Variants in PTPRN2 observed in about 807,000 individuals in gnomAD.
PTPRN2 encodes the protein protein tyrosine phosphatase receptor type N2.
Under a neutral mutation model 118.8 loss-of-function variants are expected in PTPRN2, and 74 were observed. The ratio of observed to expected loss-of-function variants is 0.62; its 90% CI spans 0.52 to 0.76. PTPRN2 has a LOEUF of 0.76. PTPRN2 is among the 30% of genes least tolerant of loss of function. The pLI is 0.00. For synonymous variants in PTPRN2, 641 were observed against 608.0 expected (o/e 1.05, Z -0.80); for missense variants, 1,481 against 1,394.4 (o/e 1.06, Z -0.99).
intron 3 of PTPRN2, among the ~76,000 whole-genome samples, chr7:158,268,790 CAG>C (rs1381098630): frequency 7.7e-6 from 1 of 129,686 alleles, no homozygotes; most frequent in East Asian, 2.2e-4. Flanking sequence ...CGCACACACA[CAG>C]GGCGGGTGTG....
At chr7:158,471,477 C>A (rs183400853) in intron 2 of PTPRN2, among the ~76,000 whole-genome samples, 2 of 152,196 alleles carry the variant, frequency 1.3e-5, no homozygotes, top group Admixed American at 6.5e-5. Flanking sequence ...ATCACAAGGT[C>A]AGGAGATCGA....
At chr7:157,580,764 CCCA>C (rs1800323444) in intron 17 of PTPRN2, among the ~76,000 whole-genome samples, 1 of 129,874 alleles carries the variant, frequency 7.7e-6, no homozygotes, top group African/African-American at 3.0e-5. Flanking sequence ...ACCTGCACAC[CCCA>C]GCACCTGCAC....
chr7:157,563,593 C>T (rs926053841), intron 21 of PTPRN2, among the ~76,000 whole-genome samples: 4 of 148,234 alleles, frequency 2.7e-5, no homozygotes, highest in African/African-American at 1.0e-4. Context: ...TCCCGCATCA[C>T]CACACCACAT....
At chr7:157,712,692 G>A (rs1030070847) in intron 12 of PTPRN2, among the ~76,000 whole-genome samples, 8 of 148,636 alleles carry the variant, frequency 5.4e-5, no homozygotes, top group South Asian at 2.1e-4. Flanking sequence ...TGGAGGTTGC[G>A]GCTACCCAAG....
chr7:157,784,328 G>C lies in PTPRN2; in HGVS notation c.1789-101391C>G, dbSNP rs768040959. ...CAGCATCTGCACAGTGACGGATTAG[G>C]GGGGCGGTTCAGCAGCCCCTCGAAC... On this transcript the variant is annotated intron_variant, in intron 12 of 22. Coordinates refer to ENST00000389418, the MANE Select transcript of PTPRN2 (RefSeq NM_002847.5). The surrounding 1 kb of genome is among the most constrained non-coding windows in gnomAD (Gnocchi z 4.6). 6.6e-6 allele frequency among the ~76,000 whole-genome samples: 1 copy of C among 152,134 alleles called. No homozygotes were observed. Among genetic ancestry groups the C allele is most frequent in the Non-Finnish European group, 1.5e-5 (1 of 68,028 alleles).
At position 158,489,732 on chromosome 7, in the gene PTPRN2, C is replaced by G; in HGVS notation, c.163+3G>C. The G allele has an allele frequency of 6.3e-7, 1 of 1,579,194 alleles. No homozygotes were observed. Among genetic ancestry groups the G allele is most frequent in the Non-Finnish European group, 8.6e-7 (1 of 1,163,972 alleles). On this transcript the variant is annotated splice_donor_region_variant and intron_variant, in intron 2 of 22. Transcript: ENST00000389418. The stretch of plus-strand genomic sequence containing the variant: ...GGCGCAGCAGCCAGGACCCCACACT[C>G]ACCGTTCACACAGGCCTCGGACGCT...
Position 157,650,752 on chromosome 7 carries a change from G to A in PTPRN2, c.2196+5605C>T, listed in dbSNP as rs116744879. Among the ~76,000 whole-genome samples the A allele has an allele frequency of 1.0e-3, 157 of 152,352 alleles. 3 individuals are homozygous for A. Among genetic ancestry groups the A allele is most frequent in the African/African-American group, 3.5e-3 (147 of 41,596 alleles). ...CTGCCAAGGCCCCGGCACTGGTGGC[G>A]TGGGGTGCAGGGGACCCCAGCCCCT... On this transcript the variant is annotated intron_variant, in intron 14 of 22. Coordinates refer to ENST00000389418, the MANE Select transcript of PTPRN2 (RefSeq NM_002847.5).
At chr7:158,190,471 T>C in intron 5 of PTPRN2, among the ~76,000 whole-genome samples, 1 of 152,212 alleles carries the variant, frequency 6.6e-6, no homozygotes, top group East Asian at 1.9e-4. Context: ...CCTGGAAGGC[T>C]TTGGGGCATG....
intron 11 of PTPRN2, among the ~76,000 whole-genome samples, chr7:158,049,915 G>T (rs1809198025): frequency 6.6e-6 from 1 of 151,310 alleles, no homozygotes; most frequent in African/African-American, 2.4e-5. Context: ...AAAAAAAAAT[G>T]CAACCTGATA....
At chr7:158,484,732 G>A (rs938437189) in intron 2 of PTPRN2, among the ~76,000 whole-genome samples, 1 of 152,158 alleles carries the variant, frequency 6.6e-6, no homozygotes. Flanking sequence ...CTCTGAGCAC[G>A]GCGATTCCCA....
rs147323354 is a variant in PTPRN2 at position 157,897,201 on chromosome 7, G to C, written c.1788+1472C>G. Among the ~76,000 whole-genome samples, 171 of 152,242 alleles carry C rather than the reference G, an allele frequency of 1.1e-3. 1 individual carries two copies. The highest frequency in any genetic ancestry group is 3.9e-3 in the African/African-American group (161 of 41,554). ...CCACGTGATGAGCTCGGAAGGGAGA[G>C]GAAAGACAGGAGGACACCACAGCTC... On this transcript the variant is annotated intron_variant, in intron 12 of 22. Transcript: ENST00000389418.
At chr7:157,894,341 A>C (rs1796983484) in intron 12 of PTPRN2, among the ~76,000 whole-genome samples, 2 of 151,500 alleles carry the variant, frequency 1.3e-5, no homozygotes, top group South Asian at 4.2e-4. Context: ...AGTGTGTGGA[A>C]GCTGAGAGCT....
At chr7:157,792,924 G>T (rs546507575) in intron 12 of PTPRN2, among the ~76,000 whole-genome samples, 2 of 152,310 alleles carry the variant, frequency 1.3e-5, no homozygotes, top group Admixed American at 6.5e-5. Flanking sequence ...CAGGGCCGCG[G>T]GTGCCGAGTT....
intron 2 of PTPRN2, among the ~76,000 whole-genome samples, chr7:158,355,975 C>T (rs945600211): frequency 6.6e-6 from 1 of 152,118 alleles, no homozygotes; most frequent in Non-Finnish European, 1.5e-5. Context: ...GCCTAGCAGC[C>T]GTCATGGGCC....
intron 12 of PTPRN2, among the ~76,000 whole-genome samples, chr7:157,686,866 C>G (rs996185255): frequency 6.6e-6 from 1 of 151,932 alleles, no homozygotes; most frequent in East Asian, 1.9e-4. Flanking sequence ...GTGCTGAGTT[C>G]TCAGAGGCAG....
chr7:157,576,672 G>A lies in PTPRN2; in HGVS notation c.2724C>T (p.Phe908=), dbSNP rs2150524951. 6.2e-7 allele frequency: 1 copy of A among 1,612,756 alleles called. No homozygotes were observed. Among genetic ancestry groups the A allele is most frequent in the Non-Finnish European group, 8.5e-7 (1 of 1,179,412 alleles). ...GGACTCCTCGGTCATACCAACTCAG[G>A]AAGTGGAACTGCGTCACGGTGCGCG... is the stretch of plus-strand genomic sequence containing the variant. ...NETRTVTQFH[F]LSWYDRGVPS... The change falls in exon 19 of 23, where the codon TTC becomes TTT. Residue 908 remains phenylalanine, a synonymous_variant. Transcript: ENST00000389418.
chr7:157,540,415 A>G lies in PTPRN2; in HGVS notation c.*299T>C. On this transcript the variant is annotated 3_prime_UTR_variant, in exon 23 of 23. Coordinates refer to ENST00000389418, the MANE Select transcript of PTPRN2 (RefSeq NM_002847.5). ...CGAACGTGCTGGCTACTGCATTGTT[A>G]ACACAACTTCAACCAAGAAGGTGAA... The G allele has an allele frequency of 3.6e-6, 1 of 276,272 alleles. No homozygotes were observed. Among genetic ancestry groups the G allele is most frequent in the South Asian group, 5.8e-5 (1 of 17,162 alleles). The allele number at this position is 276,272 out of a possible 1,614,324, so 17.1% of individuals were successfully genotyped here.
intron 12 of PTPRN2, among the ~76,000 whole-genome samples, chr7:157,819,806 C>T (rs142505273): frequency 2.6e-5 from 4 of 152,060 alleles, no homozygotes; most frequent in African/African-American, 4.8e-5. Context: ...TTCATGAACA[C>T]GCAAAACACA....
At chr7:158,007,937 GTGC>G (rs1161251599) in intron 11 of PTPRN2, among the ~76,000 whole-genome samples, 1 of 150,246 alleles carries the variant, frequency 6.7e-6, no homozygotes, top group Non-Finnish European at 1.5e-5. Context: ...GTGTGTGGCT[GTGC>G]TGTGTGTGGG....
Sources: gnomAD v4.1 joint callset for allele counts (sites outside exome capture counted in the v4.1 genomes callset) on GRCh38, gnomAD v4.1.1 for gene constraint, Gnocchi (gnomAD v3.1) non-coding constraint, MANE v1.5 for transcripts, NCBI Gene and HGNC (gene_info 2026-07-23, HGNC 2026-07-21) for gene names.